The following SYT1 variants were observed in gnomAD, a reference collection of about 807,000 sequenced individuals.
SYT1 encodes synaptotagmin-1.
A neutral mutation model predicts 44.8 loss-of-function variants in SYT1; 8 were observed. That is an observed-to-expected ratio of 0.18 (90% CI 0.10 to 0.32). SYT1 has a LOEUF of 0.32. Among genes scored for constraint, SYT1 ranks in the 10% least tolerant of loss-of-function variants. The pLI, the probability that SYT1 is intolerant of heterozygous loss-of-function variation, is 1.00. For missense variants in SYT1, 286 were observed against 509.3 expected (o/e 0.56, Z 4.22); for synonymous variants, 154 against 188.8 (o/e 0.82, Z 1.51).
At chr12:79,122,513 CAAAAAAAAAAA>C (rs58384133) in intron 3 of SYT1, among the ~76,000 whole-genome samples, 8 of 65,038 alleles carry the variant, frequency 1.2e-4, no homozygotes, top group Non-Finnish European at 1.5e-4. Context: ...GACTCCGTCT[CAAAAAAAAAAA>C]AAAAAAAAAA....
chr12:79,245,630 T>C (rs149486585), intron 4 of SYT1, among the ~76,000 whole-genome samples: 74 of 152,128 alleles, frequency 4.9e-4, no homozygotes, highest in African/African-American at 1.6e-3. Context: ...AAAATAATTA[T>C]GCAATTTTGT....
chr12:79,352,410 A>G (rs1334924217), intron 8 of SYT1, among the ~76,000 whole-genome samples: 2 of 152,136 alleles, frequency 1.3e-5, no homozygotes, highest in African/African-American at 2.4e-5. Context: ...GAAGTCTGAC[A>G]TAACTGTTGC....
intron 4 of SYT1, among the ~76,000 whole-genome samples, chr12:79,251,815 C>A (rs1037413115): frequency 3.9e-5 from 6 of 152,116 alleles, no homozygotes; most frequent in Non-Finnish European, 5.9e-5. Flanking sequence ...GGAGGAAAAC[C>A]TGCTTACTTC....
chr12:79,069,465 A>G (rs1876113237), intron 3 of SYT1, among the ~76,000 whole-genome samples: 1 of 151,984 alleles, frequency 6.6e-6, no homozygotes, highest in Non-Finnish European at 1.5e-5. Context: ...ATATTTGTCT[A>G]TACATGTTTC....
chr12:78,884,688 A>T (rs1036123829), intron 1 of SYT1, among the ~76,000 whole-genome samples: 6 of 151,288 alleles, frequency 4.0e-5, no homozygotes, highest in African/African-American at 1.5e-4. Flanking sequence ...TATATTTAAT[A>T]TATCTTTGGT....
In SYT1 at chr12:78,870,079, C is replaced by T. The variant is rs568271893; in HGVS notation, c.-217+4970C>T. Among the ~76,000 whole-genome samples the T allele has an allele frequency of 2.9e-4, 44 of 151,972 alleles. 1 individual carries two copies. Among genetic ancestry groups the T allele is most frequent in the Non-Finnish European group, 5.6e-4 (38 of 67,978 alleles). ...AGAGCTGGGGAATTTCCATGTAGAA[C>T]GGGAATGGCCTATAAACTAGTGTAA... On this transcript the variant is annotated intron_variant, in intron 1 of 10. Transcript: ENST00000261205.
intron 1 of SYT1, among the ~76,000 whole-genome samples, chr12:78,907,118 T>C (rs149664076): frequency 4.7e-4 from 72 of 152,180 alleles, no homozygotes; most frequent in Non-Finnish European, 9.3e-4. Flanking sequence ...TTCAGGTACA[T>C]TACCTTATAA....
intron 3 of SYT1, among the ~76,000 whole-genome samples, chr12:79,107,650 G>T (rs911238580): frequency 3.3e-5 from 5 of 151,906 alleles, no homozygotes; most frequent in African/African-American, 1.2e-4. Context: ...ATGCTTATAT[G>T]CATAGAATAC....
chr12:79,124,358 A>G (rs1345921971), intron 3 of SYT1, among the ~76,000 whole-genome samples: 3 of 152,168 alleles, frequency 2.0e-5, no homozygotes, highest in Non-Finnish European at 4.4e-5. Context: ...AAGCTCTCAG[A>G]ATCAGAATAT....
intron 8 of SYT1, among the ~76,000 whole-genome samples, chr12:79,303,232 T>A (rs1476205864): frequency 2.0e-5 from 3 of 152,184 alleles, no homozygotes; most frequent in African/African-American, 7.2e-5. Flanking sequence ...GTTTTAAAAT[T>A]GTCTCAGTTC....
intron 3 of SYT1, among the ~76,000 whole-genome samples, chr12:79,096,182 C>T (rs1217804623): frequency 2.6e-5 from 4 of 151,900 alleles, no homozygotes; most frequent in Non-Finnish European, 5.9e-5. Context: ...TTCTTTAATT[C>T]CCTTTTCCTG....
chr12:79,212,332 A>AG (rs942704986), intron 3 of SYT1, among the ~76,000 whole-genome samples: 2 of 152,084 alleles, frequency 1.3e-5, no homozygotes, highest in African/African-American at 4.8e-5. Context: ...GGATGCAGGG[A>AG]GGGGAACATC....
At chr12:78,946,486 C>G (rs1477885861) in intron 1 of SYT1, among the ~76,000 whole-genome samples, 1 of 152,104 alleles carries the variant, frequency 6.6e-6, no homozygotes, top group Admixed American at 6.6e-5. Context: ...AAAACTGCAT[C>G]TTTACTAAAA....
At chr12:78,881,152 C>T (rs1331194811) in intron 1 of SYT1, among the ~76,000 whole-genome samples, 1 of 151,538 alleles carries the variant, frequency 6.6e-6, no homozygotes, top group East Asian at 2.0e-4. Flanking sequence ...TTCCTATATA[C>T]CCATTATAAT....
intron 9 of SYT1, among the ~76,000 whole-genome samples, chr12:79,422,357 G>A (rs1869171549): frequency 6.6e-6 from 1 of 151,710 alleles, no homozygotes; most frequent in Non-Finnish European, 1.5e-5. Flanking sequence ...AGGTTGATTG[G>A]TTTTGTTTAT....
At chr12:78,893,462 T>A (rs1875164787) in intron 1 of SYT1, among the ~76,000 whole-genome samples, 1 of 151,754 alleles carries the variant, frequency 6.6e-6, no homozygotes, top group Admixed American at 6.6e-5. Flanking sequence ...ACATCTGTAT[T>A]AAAGAGGAGG....
chr12:79,030,507 A>G (rs891000445), intron 2 of SYT1, among the ~76,000 whole-genome samples: 1 of 151,056 alleles, frequency 6.6e-6, no homozygotes, highest in Non-Finnish European at 1.5e-5. Flanking sequence ...TTACTATTCC[A>G]TTGAGCTCTA....
At chr12:79,423,247 G>A (rs1243367086) in intron 9 of SYT1, among the ~76,000 whole-genome samples, 4 of 152,046 alleles carry the variant, frequency 2.6e-5, no homozygotes, top group Non-Finnish European at 4.4e-5. Context: ...CATATTATTA[G>A]GTTACAGTCT....
At chr12:79,268,840 TG>T (rs1300027771) in intron 4 of SYT1, among the ~76,000 whole-genome samples, 1 of 152,168 alleles carries the variant, frequency 6.6e-6, no homozygotes, top group African/African-American at 2.4e-5. Context: ...TTGATAAGTC[TG>T]TATCATATTG....
Sources: gnomAD v4.1 joint callset for allele counts (sites outside exome capture counted in the v4.1 genomes callset) on GRCh38, gnomAD v4.1.1 for gene constraint, MANE v1.5 for transcripts, NCBI Gene and HGNC (gene_info 2026-07-23, HGNC 2026-07-21) for gene names.